NWD2: variants seen among roughly 807,000 people sequenced by gnomAD.
NWD2 encodes NACHT and WD repeat domain-containing protein 2.
A neutral mutation model predicts 132.7 loss-of-function variants in NWD2; 37 were observed. That is an observed-to-expected ratio of 0.28 (90% CI 0.21 to 0.37). The LOEUF (loss-of-function observed/expected upper bound fraction) is 0.37. NWD2 is among the 10% of genes least tolerant of loss of function. The pLI is 1.00. For synonymous variants in NWD2, 705 were observed against 803.0 expected, an observed-to-expected ratio of 0.88 and a Z score of 2.06; for missense variants, 1,592 against 2,122.4, an observed-to-expected ratio of 0.75 and a Z score of 4.91.
At chr4:37,250,702 A>G (rs147102933) in intron 1 of NWD2, among the ~76,000 whole-genome samples, 13 of 152,348 alleles carry the variant, frequency 8.5e-5, no homozygotes, top group South Asian at 2.1e-4. Context: ...AATGCAGTCT[A>G]TAGAGGCATA....
intron 1 of NWD2, among the ~76,000 whole-genome samples, chr4:37,315,757 G>A (rs773095579): frequency 2.1e-4 from 32 of 151,740 alleles, no homozygotes; most frequent in East Asian, 1.7e-3. Flanking sequence ...GGTTTTCTTC[G>A]TTTGTTCCCA....
intron 3 of NWD2, among the ~76,000 whole-genome samples, chr4:37,359,157 GAATA>G (rs886331431): frequency 1.3e-5 from 2 of 152,258 alleles, no homozygotes; most frequent in African/African-American, 4.8e-5. Flanking sequence ...GCTGGTAGGA[GAATA>G]AATAAAGACT....
chr4:37,276,083 G>A (rs1424397433), intron 1 of NWD2, among the ~76,000 whole-genome samples: 1 of 152,086 alleles, frequency 6.6e-6, no homozygotes, highest in Non-Finnish European at 1.5e-5. Context: ...GGCAACAAAA[G>A]CCAACATTGA....
intron 2 of NWD2, among the ~76,000 whole-genome samples, chr4:37,340,535 C>G (rs536615187): frequency 6.6e-6 from 1 of 152,210 alleles, no homozygotes; most frequent in African/African-American, 2.4e-5. Flanking sequence ...CAACAGTGAC[C>G]AGGGTGGTGC....
chr4:37,284,037 A>T (rs1267298509), intron 1 of NWD2, among the ~76,000 whole-genome samples: 2 of 152,220 alleles, frequency 1.3e-5, no homozygotes, highest in Non-Finnish European at 2.9e-5. Context: ...AATTGTTATA[A>T]ATCAGTATAG....
At chr4:37,434,116 C>A in intron 5 of NWD2, 96 bp downstream of exon 5, 1 of 703,176 alleles carries the variant, frequency 1.4e-6, no homozygotes, top group Non-Finnish European at 2.2e-6. Context: ...ATCTCATTTA[C>A]TGCCTGGTGA....
chr4:37,305,014 A>G (rs995546485), intron 1 of NWD2, among the ~76,000 whole-genome samples: 7 of 152,226 alleles, frequency 4.6e-5, no homozygotes, highest in Non-Finnish European at 7.4e-5. Flanking sequence ...AGGCATTTCC[A>G]TACATCCTCT....
At chr4:37,425,006 T>C (rs1711953718) in intron 3 of NWD2, among the ~76,000 whole-genome samples, 1 of 152,208 alleles carries the variant, frequency 6.6e-6, no homozygotes, top group Non-Finnish European at 1.5e-5. Flanking sequence ...GGGAAAATGT[T>C]ATCTCTAAGC....
chr4:37,339,225 GA>G (rs879879312), intron 2 of NWD2, among the ~76,000 whole-genome samples: 5 of 152,164 alleles, frequency 3.3e-5, no homozygotes, highest in Non-Finnish European at 7.3e-5. Context: ...TAAAAAGGGG[GA>G]AGGGAGACAA....
At chr4:37,384,962 C>T (rs1351290299) in intron 3 of NWD2, among the ~76,000 whole-genome samples, 3 of 152,174 alleles carry the variant, frequency 2.0e-5, no homozygotes, top group Non-Finnish European at 2.9e-5. Flanking sequence ...AATTAGCACA[C>T]GTTGCTGATT....
intron 3 of NWD2, among the ~76,000 whole-genome samples, chr4:37,417,411 TAAA>T: frequency 6.6e-6 from 1 of 152,070 alleles, no homozygotes; most frequent in East Asian, 1.9e-4. Flanking sequence ...AATTTTAAAA[TAAA>T]AAACATATAG....
At chr4:37,405,500 AG>A (rs1189017966) in intron 3 of NWD2, among the ~76,000 whole-genome samples, 42 of 152,062 alleles carry the variant, frequency 2.8e-4, no homozygotes, top group Non-Finnish European at 5.4e-4. Flanking sequence ...AGAAAACATC[AG>A]GGCGAATTGC....
chr4:37,267,254 G>T (rs1717772719), intron 1 of NWD2, among the ~76,000 whole-genome samples: 2 of 151,930 alleles, frequency 1.3e-5, no homozygotes, highest in Non-Finnish European at 2.9e-5. Context: ...ATCTTGCAAA[G>T]ATTCATTGTC....
chr4:37,316,783 C>T (rs1048009785), intron 1 of NWD2, among the ~76,000 whole-genome samples: 3 of 152,080 alleles, frequency 2.0e-5, no homozygotes, highest in African/African-American at 7.2e-5. Flanking sequence ...TTTTCTGTGT[C>T]ACATTTTTCT....
At chr4:37,299,471 A>G (rs1718566991) in intron 1 of NWD2, among the ~76,000 whole-genome samples, 1 of 152,022 alleles carries the variant, frequency 6.6e-6, no homozygotes, top group South Asian at 2.1e-4. Flanking sequence ...ATCTTCCCCA[A>G]TTTGGATCTC....
intron 1 of NWD2, among the ~76,000 whole-genome samples, chr4:37,286,872 C>T (rs1359190655): frequency 6.6e-6 from 1 of 152,000 alleles, no homozygotes. Flanking sequence ...TCATGGGGTG[C>T]GGGGCCAAGA....
At chr4:37,410,349 G>T (rs990170767) in intron 3 of NWD2, among the ~76,000 whole-genome samples, 7 of 152,106 alleles carry the variant, frequency 4.6e-5, no homozygotes, top group Non-Finnish European at 8.8e-5. Flanking sequence ...GGCAGGAGTT[G>T]CAATCCTAAT....
intron 3 of NWD2, among the ~76,000 whole-genome samples, chr4:37,400,370 CT>C (rs1720875628): frequency 6.6e-6 from 1 of 152,208 alleles, no homozygotes; most frequent in Non-Finnish European, 1.5e-5. Flanking sequence ...TTGCCTGTGG[CT>C]GTTAACCAGC....
chr4:37,371,331 C>T (rs1353352665), intron 3 of NWD2, among the ~76,000 whole-genome samples: 3 of 152,058 alleles, frequency 2.0e-5, no homozygotes, highest in Non-Finnish European at 4.4e-5. Context: ...CCTCCTTGGC[C>T]TCCCAAAGTG....
Sources: allele counts gnomAD v4.1 joint callset (sites outside exome capture counted in the v4.1 genomes callset), GRCh38; gene constraint gnomAD v4.1.1; transcripts MANE v1.5; gene names NCBI Gene and HGNC (gene_info 2026-07-23, HGNC 2026-07-21).